Variants in TBC1D5 observed in about 807,000 individuals in gnomAD.
TBC1D5 encodes the protein TBC1 domain family member 5, also known as TBC1 domain family, member 5.
A neutral mutation model predicts 100.3 loss-of-function variants in TBC1D5; 75 were observed. That is an observed-to-expected ratio of 0.75 (90% CI 0.62 to 0.91). TBC1D5 has a LOEUF of 0.91. Among genes scored for constraint, TBC1D5 ranks in the 40% least tolerant of loss-of-function variants. The probability of loss-of-function intolerance (pLI) is 0.00; values close to 1 mark genes in which losing one functional copy is unlikely to be tolerated. For missense variants in TBC1D5, 910 were observed against 942.4 expected (o/e 0.97, Z 0.45); for synonymous variants, 323 against 325.6 (o/e 0.99, Z 0.09).
At chr3:17,348,244 C>A (rs892538003) in intron 13 of TBC1D5, among the ~76,000 whole-genome samples, 1 of 152,148 alleles carries the variant, frequency 6.6e-6, no homozygotes, top group Non-Finnish European at 1.5e-5. Flanking sequence ...CCATGGAATT[C>A]TTCATGTAAA....
At chr3:17,468,143 G>C (rs1363527996) in intron 3 of TBC1D5, among the ~76,000 whole-genome samples, 1 of 152,228 alleles carries the variant, frequency 6.6e-6, no homozygotes, top group African/African-American at 2.4e-5. Context: ...TGGCAATTCA[G>C]CCAACCAGGA....
chr3:17,221,349 T>C (rs535778106), intron 17 of TBC1D5, among the ~76,000 whole-genome samples: 1 of 152,256 alleles, frequency 6.6e-6, no homozygotes, highest in East Asian at 1.9e-4. Context: ...GTTTGTTACA[T>C]ATGTATACAT....
chr3:17,535,721 G>A (rs1576573845), intron 2 of TBC1D5, among the ~76,000 whole-genome samples: 1 of 152,182 alleles, frequency 6.6e-6, no homozygotes, highest in Middle Eastern at 3.4e-3. Flanking sequence ...TGCGGGATGG[G>A]GAGGAGGGAG....
At chr3:17,291,858 A>C in intron 15 of TBC1D5, 37 bp downstream of exon 15, 1 of 1,570,280 alleles carries the variant, frequency 6.4e-7, no homozygotes, top group Non-Finnish European at 8.7e-7. Flanking sequence ...TTTTTCACCC[A>C]ACTTAAAATT....
chr3:17,320,566 T>C (rs932044914), intron 13 of TBC1D5, among the ~76,000 whole-genome samples: 5 of 152,232 alleles, frequency 3.3e-5, no homozygotes, highest in African/African-American at 1.2e-4. Context: ...GAAATTTTAT[T>C]GTAATGTCAT....
intron 13 of TBC1D5, among the ~76,000 whole-genome samples, chr3:17,367,923 G>C (rs974073243): frequency 2.0e-5 from 3 of 151,872 alleles, no homozygotes; most frequent in African/African-American, 7.3e-5. Flanking sequence ...TTCATTCTAT[G>C]TGCAACAGAA....
At chr3:17,258,435 T>A in intron 16 of TBC1D5, 71 bp downstream of exon 16, 1 of 1,424,778 alleles carries the variant, frequency 7.0e-7, no homozygotes, top group Non-Finnish European at 9.7e-7. Context: ...TTCAGCAATA[T>A]GTAAAATTTC....
chr3:17,217,524 T>C (rs1349991355), intron 17 of TBC1D5, among the ~76,000 whole-genome samples: 1 of 152,120 alleles, frequency 6.6e-6, no homozygotes, highest in African/African-American at 2.4e-5. Flanking sequence ...CTCCACATGC[T>C]TGTCAACACT....
At chr3:17,527,221 C>T (rs1409304608) in intron 2 of TBC1D5, among the ~76,000 whole-genome samples, 1 of 152,120 alleles carries the variant, frequency 6.6e-6, no homozygotes, top group Non-Finnish European at 1.5e-5. Context: ...GAGCTGGGAG[C>T]TTATCTGAGA....
chr3:17,253,256 G>A (rs1325725159), intron 16 of TBC1D5, among the ~76,000 whole-genome samples: 2 of 152,136 alleles, frequency 1.3e-5, no homozygotes, highest in Non-Finnish European at 2.9e-5. Context: ...AAGCCAAGGA[G>A]TCCATGGTTA....
At chr3:17,662,376 G>A (rs757238076) in intron 1 of TBC1D5, among the ~76,000 whole-genome samples, 35 of 152,216 alleles carry the variant, frequency 2.3e-4, no homozygotes, top group Admixed American at 2.6e-4. Context: ...AAGTTTAGAG[G>A]AGGAGGTTAC....
At chr3:17,368,052 C>T (rs543604384) in intron 13 of TBC1D5, among the ~76,000 whole-genome samples, 1 of 152,158 alleles carries the variant, frequency 6.6e-6, no homozygotes, top group East Asian at 1.9e-4. Flanking sequence ...ACCTAAAATA[C>T]AGGTAGTAAA....
intron 8 of TBC1D5, among the ~76,000 whole-genome samples, chr3:17,400,741 C>T (rs1328240756): frequency 6.6e-6 from 1 of 152,098 alleles, no homozygotes; most frequent in African/African-American, 2.4e-5. Context: ...TAGAATAAAG[C>T]AGGCAGAAGA....
chr3:17,173,605 C>T (rs868783348), intron 19 of TBC1D5, among the ~76,000 whole-genome samples: 8 of 152,176 alleles, frequency 5.3e-5, no homozygotes, highest in Middle Eastern at 3.2e-3. Flanking sequence ...TCAAAGCTTT[C>T]TATTTCTGCA....
At chr3:17,471,886 T>C (rs1480820637) in intron 3 of TBC1D5, among the ~76,000 whole-genome samples, 1 of 152,120 alleles carries the variant, frequency 6.6e-6, no homozygotes, top group Non-Finnish European at 1.5e-5. Context: ...AGAGATAAAA[T>C]GCACTGAATT....
intron 2 of TBC1D5, among the ~76,000 whole-genome samples, chr3:17,565,256 G>C (rs534512399): frequency 1.3e-5 from 2 of 152,226 alleles, no homozygotes; most frequent in Admixed American, 1.3e-4. Flanking sequence ...TGTTCATTCA[G>C]TAACAGTTTT....
At chr3:17,657,207 T>C (rs1032445864) in intron 1 of TBC1D5, among the ~76,000 whole-genome samples, 12 of 151,976 alleles carry the variant, frequency 7.9e-5, no homozygotes, top group African/African-American at 2.4e-4. Flanking sequence ...TACAGAGAGG[T>C]AGAAACCAGA....
chr3:17,602,271 A>G (rs1343453044), intron 2 of TBC1D5, among the ~76,000 whole-genome samples: 2 of 152,200 alleles, frequency 1.3e-5, no homozygotes, highest in Non-Finnish European at 1.5e-5. Flanking sequence ...ATCTGTCTCA[A>G]TGGAATACCT....
intron 18 of TBC1D5, among the ~76,000 whole-genome samples, chr3:17,196,060 T>A (rs1030897450): frequency 3.9e-5 from 6 of 152,168 alleles, no homozygotes; most frequent in Admixed American, 3.9e-4. Flanking sequence ...ACAGCATTCA[T>A]TTATTCCTAA....
Sources: allele counts gnomAD v4.1 joint callset (sites outside exome capture counted in the v4.1 genomes callset), GRCh38; gene constraint gnomAD v4.1.1; transcripts MANE v1.5; gene names NCBI Gene and HGNC (gene_info 2026-07-23, HGNC 2026-07-21).